Variants in MALRD1 observed in about 807,000 individuals in gnomAD.
The protein encoded by MALRD1 is MAM and LDL receptor class A domain containing 1, also known as MAM and LDL-receptor class A domain-containing protein 1.
In MALRD1, 247 loss-of-function variants were observed where a neutral mutation model predicts 242.1. The observed-to-expected ratio is 1.02, with a 90% CI of 0.92 to 1.13. The LOEUF (loss-of-function observed/expected upper bound fraction) is 1.13. Among genes scored for constraint, MALRD1 ranks in the 50% most tolerant of loss-of-function variants. MALRD1 has a pLI of 0.00. For missense variants in MALRD1, 2,989 were observed against 2,533.1 expected (o/e 1.18, Z -3.86); for synonymous variants, 995 against 866.6 (o/e 1.15, Z -2.60).
At chr10:19,498,428 T>A in intron 30 of MALRD1, 57 bp from the exon 31 acceptor site, 1 of 1,433,604 alleles carries the variant, frequency 7.0e-7, no homozygotes, top group Non-Finnish European at 9.5e-7. Flanking sequence ...AAATATAGGG[T>A]AGTAGCAAAT....
chr10:19,096,829 G>A (rs991255046), intron 4 of MALRD1, among the ~76,000 whole-genome samples: 14 of 152,150 alleles, frequency 9.2e-5, no homozygotes, highest in Non-Finnish European at 1.8e-4. Context: ...AGGCGATTTC[G>A]GTCCCAGCTG....
At chr10:19,433,998 T>C (rs1015692148) in intron 28 of MALRD1, among the ~76,000 whole-genome samples, 1 of 152,124 alleles carries the variant, frequency 6.6e-6, no homozygotes, top group Non-Finnish European at 1.5e-5. Context: ...GGTTCTGTAA[T>C]TGGAAACCCT....
chr10:19,709,921 G>C (rs1437120866), intron 38 of MALRD1, among the ~76,000 whole-genome samples: 3 of 152,158 alleles, frequency 2.0e-5, no homozygotes, highest in Non-Finnish European at 4.4e-5. Flanking sequence ...AGTAGGGACA[G>C]TATTGTGCGT....
chr10:19,306,752 A>G (rs550118689), intron 21 of MALRD1, among the ~76,000 whole-genome samples: 18 of 151,512 alleles, frequency 1.2e-4, no homozygotes, highest in Admixed American at 1.1e-3. Context: ...GAAACTTACA[A>G]TCATGGCAGA....
intron 33 of MALRD1, among the ~76,000 whole-genome samples, chr10:19,587,366 G>C (rs12249318): frequency 6.6e-6 from 1 of 152,248 alleles, no homozygotes; most frequent in African/African-American, 2.4e-5. Context: ...ATATCACTGC[G>C]TATGACAATG....
chr10:19,680,976 A>G (rs1042502928), intron 36 of MALRD1, among the ~76,000 whole-genome samples: 5 of 152,086 alleles, frequency 3.3e-5, no homozygotes, highest in Admixed American at 2.6e-4. Flanking sequence ...TGGCCTCCCG[A>G]TATCTTTTGG....
At chr10:19,185,228 G>A (rs1481880303) in intron 14 of MALRD1, among the ~76,000 whole-genome samples, 1 of 152,188 alleles carries the variant, frequency 6.6e-6, no homozygotes, top group African/African-American at 2.4e-5. Context: ...GCTATGTAAT[G>A]TAGGCAAGAA....
chr10:19,229,362 G>A (rs918341822), intron 18 of MALRD1, among the ~76,000 whole-genome samples: 8 of 151,954 alleles, frequency 5.3e-5, no homozygotes, highest in African/African-American at 1.9e-4. Flanking sequence ...AACTTTTTCA[G>A]AATTTGCTTG....
At chr10:19,350,178 T>A (rs139299294) in intron 25 of MALRD1, among the ~76,000 whole-genome samples, 102 of 151,510 alleles carry the variant, frequency 6.7e-4, no homozygotes, top group African/African-American at 2.4e-3. Context: ...AGATAATCAA[T>A]TTTTTTTTCT....
At chr10:19,574,498 A>G (rs12776820) in intron 33 of MALRD1, among the ~76,000 whole-genome samples, 1 of 152,216 alleles carries the variant, frequency 6.6e-6, no homozygotes, top group Non-Finnish European at 1.5e-5. Context: ...GAGATCGCGA[A>G]CAAGAGACAG....
chr10:19,232,901 A>C (rs993467008), intron 18 of MALRD1, among the ~76,000 whole-genome samples: 2 of 152,138 alleles, frequency 1.3e-5, no homozygotes, highest in Admixed American at 6.6e-5. Context: ...CACACTTCAC[A>C]CTTTTACTTA....
At chr10:19,627,252 T>C (rs938879148) in intron 36 of MALRD1, among the ~76,000 whole-genome samples, 11 of 152,000 alleles carry the variant, frequency 7.2e-5, no homozygotes, top group African/African-American at 2.4e-4. Flanking sequence ...TTTGGGAAAA[T>C]AGCATACAAG....
At chr10:19,260,086 ACT>A (rs1396776984) in intron 19 of MALRD1, among the ~76,000 whole-genome samples, 2 of 151,958 alleles carry the variant, frequency 1.3e-5, no homozygotes, top group Admixed American at 6.6e-5. Context: ...TGTTTTATAT[ACT>A]CTCGTTATAT....
At position 19,236,919 on chromosome 10, in the gene MALRD1, A is replaced by C. The variant is rs79117443; in HGVS notation, c.2992-20765A>C. On this transcript the variant is annotated intron_variant, in intron 18 of 39. Transcript: ENST00000454679. ...ACATTAGTTTTCAGTCTTAAGGCTG[A>C]GTCAAGAACAAAGCTCCTAAACTTT... 4.5e-3 allele frequency among the ~76,000 whole-genome samples: 680 copies of C among 152,190 alleles called. 7 individuals are homozygous for C. Among genetic ancestry groups the C allele is most frequent in the African/African-American group, 0.016 (648 of 41,552 alleles).
At chr10:19,057,058 G>A (rs1397471408) in intron 1 of MALRD1, among the ~76,000 whole-genome samples, 1 of 151,854 alleles carries the variant, frequency 6.6e-6, no homozygotes, top group Non-Finnish European at 1.5e-5. Flanking sequence ...TCAATGTGTT[G>A]TTGAACTCAG....
intron 36 of MALRD1, among the ~76,000 whole-genome samples, chr10:19,621,912 G>C (rs1203240035): frequency 3.3e-5 from 5 of 151,696 alleles, no homozygotes; most frequent in Non-Finnish European, 7.4e-5. Context: ...AAGAAAACTC[G>C]TGATTGTCTC....
At position 19,191,686 on chromosome 10, in the gene MALRD1, C is replaced by A. The variant is rs1456743890; in HGVS notation, c.1952-12042C>A. On this transcript the variant is annotated intron_variant, in intron 14 of 39. Transcript: ENST00000454679. Reference sequence around the variant, plus strand: ...TAACAAGGAAAGAAATTCTGACATACACTACAAAGTGAATAAAACTTGAGG... The same window carrying A: ...TAACAAGGAAAGAAATTCTGACATAAACTACAAAGTGAATAAAACTTGAGG... 2.0e-5 allele frequency among the ~76,000 whole-genome samples: 3 copies of A among 152,062 alleles called. No homozygotes were observed. In the East Asian group the frequency reaches 5.8e-4, roughly 29 times the overall value.
At chr10:19,696,547 A>G (rs1341487756) in intron 38 of MALRD1, among the ~76,000 whole-genome samples, 1 of 152,074 alleles carries the variant, frequency 6.6e-6, no homozygotes, top group Non-Finnish European at 1.5e-5. Flanking sequence ...TGATAACAGC[A>G]ATTATAGCAA....
chr10:19,207,646 G>A (rs537317757), intron 17 of MALRD1, among the ~76,000 whole-genome samples: 55 of 152,056 alleles, frequency 3.6e-4, no homozygotes, highest in Non-Finnish European at 4.9e-4. Flanking sequence ...GATTGCAGGC[G>A]CCCGCCACCA....
Sources: gnomAD v4.1 joint callset for allele counts (sites outside exome capture counted in the v4.1 genomes callset) on GRCh38, gnomAD v4.1.1 for gene constraint, MANE v1.5 for transcripts, NCBI Gene and HGNC (gene_info 2026-07-23, HGNC 2026-07-21) for gene names.